The following PLEKHH2 variants were observed in gnomAD, a reference collection of about 807,000 sequenced individuals.
PLEKHH2 encodes the protein pleckstrin homology, MyTH4 and FERM domain containing H2.
PLEKHH2 carries 129 observed loss-of-function variants against 187.9 expected under a neutral mutation model. The ratio of observed to expected loss-of-function variants is 0.69; its 90% confidence interval spans 0.59 to 0.79. The LOEUF (loss-of-function observed/expected upper bound fraction) is 0.79. Ranked by LOEUF, PLEKHH2 falls within the 30% of genes least tolerant of loss-of-function variation. The pLI, the probability that PLEKHH2 is intolerant of heterozygous loss-of-function variation, is 0.00. For missense variants in PLEKHH2, 2,076 were observed against 1,751.2 expected (o/e 1.19, Z -3.31); for synonymous variants, 686 against 605.6 (o/e 1.13, Z -1.95).
intron 1 of PLEKHH2, among the ~76,000 whole-genome samples, chr2:43,638,347 A>G (rs951172905): frequency 8.5e-5 from 13 of 152,330 alleles, no homozygotes; most frequent in Admixed American, 1.3e-4. Context: ...AAACTAAAGA[A>G]TATCATAGAG....
chr2:43,724,282 A>G (rs2104553996), intron 16 of PLEKHH2, among the ~76,000 whole-genome samples: 1 of 152,350 alleles, frequency 6.6e-6, no homozygotes, highest in East Asian at 1.9e-4. Context: ...GAGAGTGAGC[A>G]TAGATGGAAG....
At chr2:43,728,143 G>C (rs908710427) in intron 17 of PLEKHH2, among the ~76,000 whole-genome samples, 1 of 152,140 alleles carries the variant, frequency 6.6e-6, no homozygotes, top group African/African-American at 2.4e-5. Flanking sequence ...AAGTTTTCTC[G>C]CCCTAGTAAT....
At chr2:43,745,762 G>T (rs1671753873) in intron 23 of PLEKHH2, 104 bp from the exon 24 acceptor site, 1 of 736,854 alleles carries the variant, frequency 1.4e-6, no homozygotes, top group Non-Finnish European at 2.2e-6. Flanking sequence ...AGTATATTTG[G>T]TTTGATCATA....
intron 7 of PLEKHH2, among the ~76,000 whole-genome samples, chr2:43,698,251 C>CTTT (rs34391523): frequency 6.3e-5 from 9 of 143,918 alleles, no homozygotes; most frequent in Admixed American, 2.1e-4. Context: ...TTCTCTCTCT[C>CTTT]TTTTTTTTTT....
Position 43,729,640 on chromosome 2 carries a change from A to C in PLEKHH2, c.2725A>C (p.Thr909Pro), listed in dbSNP as rs774232393. The C allele has an allele frequency of 2.5e-6, 4 of 1,590,730 alleles. No individual in the cohort carries two copies. The highest frequency in any genetic ancestry group is 3.4e-6 in the Non-Finnish European group (4 of 1,170,876). The change falls in exon 18 of 30, where the codon ACT (threonine) becomes CCT (proline). Residue 909 changes from threonine (T) to proline (P), a missense_variant. Physicochemically the swap from Thr to Pro is conservative, Grantham distance 38. Coordinates refer to ENST00000282406, the MANE Select transcript of PLEKHH2 (RefSeq NM_172069.4). Reference protein sequence around the residue: ...LLIGSKHEKDTWLYHLTVAAG... With the variant: ...LLIGSKHEKDPWLYHLTVAAG... ...ATTAATATGTTCTGGTTTTAAGGAC[A>C]CTTGGCTTTATCATCTGACTGTTGC...
intron 2 of PLEKHH2, among the ~76,000 whole-genome samples, chr2:43,660,435 CTTTTTT>C (rs747756407): frequency 1.4e-5 from 1 of 72,216 alleles, no homozygotes. Flanking sequence ...ATATGTTTAA[CTTTTTT>C]TTTTTTTTTT....
intron 3 of PLEKHH2, among the ~76,000 whole-genome samples, chr2:43,685,087 ATC>A (rs1293843319): frequency 6.6e-5 from 10 of 152,212 alleles, no homozygotes; most frequent in African/African-American, 2.4e-4. Flanking sequence ...GAGTAACTGA[ATC>A]CTTCGCCATC....
At chr2:43,683,337 C>G (rs1051384331) in intron 3 of PLEKHH2, among the ~76,000 whole-genome samples, 4 of 151,942 alleles carry the variant, frequency 2.6e-5, no homozygotes, top group African/African-American at 9.7e-5. Context: ...TGGGATTTCT[C>G]TATGTTGGTC....
At chr2:43,717,613 C>T (rs1176871390) in intron 15 of PLEKHH2, among the ~76,000 whole-genome samples, 1 of 152,032 alleles carries the variant, frequency 6.6e-6, no homozygotes, top group Admixed American at 6.5e-5. Flanking sequence ...AGTGGAGGGA[C>T]AGCAAAGGTT....
In PLEKHH2 at chr2:43,678,869, C is replaced by T. The variant is rs1194598617; in HGVS notation, c.130C>T (p.Gln44Ter). ...IRELLAEKMQ[Q>*]LERQVIDAER... ...ATTTTCCCTCACTCTACAGATGCAA[C>T]AGCTTGAGAGACAAGTTATTGATGC... Residue 44 changes from glutamine to a stop codon, truncating the protein, a stop_gained, in exon 3 of 30, where the codon CAG (glutamine) becomes TAG (stop). Coordinates refer to ENST00000282406, the MANE Select transcript of PLEKHH2 (RefSeq NM_172069.4). LOFTEE classifies it high-confidence loss of function. The T allele has an allele frequency of 1.2e-6, 2 of 1,601,750 alleles. No individual in the cohort carries two copies. The highest frequency in any genetic ancestry group is 1.7e-6 in the Non-Finnish European group (2 of 1,171,704).
intron 1 of PLEKHH2, among the ~76,000 whole-genome samples, chr2:43,641,527 CT>C (rs1207155150): frequency 6.6e-6 from 1 of 151,968 alleles, no homozygotes; most frequent in Non-Finnish European, 1.5e-5. Context: ...CATCAGCTAC[CT>C]TTAGTGTTAG....
At chr2:43,757,049 A>G (rs1348780544) in intron 25 of PLEKHH2, 70 bp from the exon 26 acceptor site, 45 of 1,251,686 alleles carry the variant, frequency 3.6e-5, no homozygotes, top group Non-Finnish European at 4.6e-5. Flanking sequence ...TTTAGAAAAA[A>G]TAAAACTAAC....
chr2:43,648,333 C>A (rs944530629), intron 2 of PLEKHH2, among the ~76,000 whole-genome samples: 2 of 151,906 alleles, frequency 1.3e-5, no homozygotes, highest in African/African-American at 4.8e-5. Flanking sequence ...GGACTACAGG[C>A]ACATACCACC....
At chr2:43,672,823 A>G (rs997954952) in intron 2 of PLEKHH2, among the ~76,000 whole-genome samples, 1 of 152,120 alleles carries the variant, frequency 6.6e-6, no homozygotes, top group Non-Finnish European at 1.5e-5. Context: ...CTCATCATAT[A>G]TGATGCAAAC....
chr2:43,744,232 T>C (rs1318100193), intron 23 of PLEKHH2: 8 of 816,130 alleles, frequency 9.8e-6, no homozygotes, highest in Middle Eastern at 4.4e-4. Flanking sequence ...ATGGAAATGA[T>C]ACTCTAAGTA....
In PLEKHH2 at chr2:43,765,752, A is replaced by G. The variant is rs1346036419; in HGVS notation, c.*154A>G. The G allele has an allele frequency of 3.0e-6, 2 of 659,122 alleles. No individual in the cohort carries two copies. The highest frequency in any genetic ancestry group is 3.7e-5 in the African/African-American group (2 of 54,492). 40.8% of individuals were successfully genotyped at this position (659,122 alleles called of 1,614,324 possible). The stretch of plus-strand genomic sequence containing the variant: ...GTTAGTCTCTTTTATTTGATTCTTA[A>G]ATATTCAAATAAATATTAACAGTAA... On this transcript the variant is annotated 3_prime_UTR_variant, in exon 30 of 30. Transcript: ENST00000282406.
rs559220415 is a variant in PLEKHH2 at position 43,726,839 on chromosome 2, TGTA to T, written c.2721+391_2721+393del. ...AATTATTTTATGTATTATATGTACA[TGTA>T]GTCATTTATGATAAAGGAGGTATCA... On this transcript the variant is annotated intron_variant, in intron 17 of 29. Transcript: ENST00000282406. 1.6e-4 allele frequency among the ~76,000 whole-genome samples: 25 copies of T among 152,338 alleles called. No individual in the cohort carries two copies. The South Asian group carries it at 2.5e-3, about 15-fold the overall frequency.
At chr2:43,688,159 A>G (rs1572558376) in intron 3 of PLEKHH2, among the ~76,000 whole-genome samples, 1 of 152,326 alleles carries the variant, frequency 6.6e-6, no homozygotes, top group African/African-American at 2.4e-5. Flanking sequence ...CTGCACAGCA[A>G]AAGAAACTAT....
At chr2:43,751,934 T>A (rs1312425773) in intron 24 of PLEKHH2, among the ~76,000 whole-genome samples, 1 of 151,954 alleles carries the variant, frequency 6.6e-6, no homozygotes, top group African/African-American at 2.4e-5. Flanking sequence ...CTCTTTTTTT[T>A]TTTTTTTGCT....
Sources: allele counts gnomAD v4.1 joint callset (sites outside exome capture counted in the v4.1 genomes callset), GRCh38; gene constraint gnomAD v4.1.1; transcripts MANE v1.5; gene names NCBI Gene and HGNC (gene_info 2026-07-23, HGNC 2026-07-21).